Variants in BRINP1 observed in about 807,000 individuals in gnomAD.
The protein encoded by BRINP1 is BMP/retinoic acid-inducible neural-specific protein 1.
In BRINP1, 17 loss-of-function variants were observed where a neutral mutation model predicts 72.9. The ratio of observed to expected loss-of-function variants is 0.23; its 90% CI spans 0.16 to 0.35. The LOEUF is 0.35. BRINP1 is among the 10% of genes least tolerant of loss of function. The pLI is 1.00. For missense variants in BRINP1, 850 were observed against 1,001.6 expected (o/e 0.85, Z 2.04); for synonymous variants, 418 against 378.5 (o/e 1.10, Z -1.21).
rs139650782 is a variant in BRINP1 at position 119,364,018 on chromosome 9, CTTTT to C, written c.-51+5034_-51+5037del. Among the ~76,000 whole-genome samples the C allele has an allele frequency of 3.9e-3, 493 of 125,468 alleles. 1 individual carries two copies. The highest frequency in any genetic ancestry group is 0.01 in the African/African-American group (349 of 34,186). The allele number at this position is 125,468 out of a possible 152,430, so 82.3% of individuals were successfully genotyped here. Reference sequence around the variant, plus strand: ...TCACTCAATTTCAGGTCATCCCTCCCTTTTTTTTTTTTTTTTTTTTGGTGGCATC... The same window carrying C: ...TCACTCAATTTCAGGTCATCCCTCCCTTTTTTTTTTTTTTTTGGTGGCATC... On this transcript the variant is annotated intron_variant, in intron 1 of 7. Coordinates refer to ENST00000265922, the MANE Select transcript of BRINP1 (RefSeq NM_014618.3).
rs184096891 is a variant in BRINP1, at chr9:119,288,903, C to T, written c.218+24235G>A. Among the ~76,000 whole-genome samples, 187 of 152,244 alleles carry T rather than the reference C, an allele frequency of 1.2e-3. 1 individual carries two copies. Among genetic ancestry groups the T allele is most frequent in the African/African-American group, 4.3e-3 (178 of 41,544 alleles). ...CTCTGCCTCCCAGGTTCAAGCTATT[C>T]TATTCTCCTGCCTCAGCCTCCCAAG... On this transcript the variant is annotated intron_variant, in intron 2 of 7. Coordinates refer to ENST00000265922, the MANE Select transcript of BRINP1 (RefSeq NM_014618.3).
chr9:119,353,810 T>C (rs2119035032), intron 1 of BRINP1, among the ~76,000 whole-genome samples: 1 of 150,470 alleles, frequency 6.6e-6, no homozygotes, highest in African/African-American at 2.4e-5. Context: ...AAACTTAATT[T>C]TGTTTTGAGC....
In BRINP1 at chr9:119,167,881, A is replaced by T. The variant is rs779424656; in HGVS notation, c.1489T>A (p.Ser497Thr). 24 of 1,614,164 alleles carry T rather than the reference A, an allele frequency of 1.5e-5. No individual in the cohort carries two copies. The South Asian group carries it at 2.3e-4, about 16-fold the overall frequency. Residue 497 changes from serine (S) to threonine (T), a missense_variant, in exon 8 of 8, where the codon TCA becomes ACA. Coordinates refer to ENST00000265922, the MANE Select transcript of BRINP1 (RefSeq NM_014618.3). The surrounding 1 kb of genome is among the most constrained non-coding windows in gnomAD (Gnocchi z 4.3). ...ELKYLLQKMDSRLYVHTTFIS... is the reference protein window; with the variant it reads ...ELKYLLQKMDTRLYVHTTFIS... ...AAGGTGGTGTGGACGTAGAGGCGTG[A>T]GTCCATCTTCTGCAGCAGGTACTTC... is the stretch of plus-strand genomic sequence containing the variant.
At chr9:119,216,207 A>C (rs1829973741) in intron 5 of BRINP1, among the ~76,000 whole-genome samples, 1 of 152,232 alleles carries the variant, frequency 6.6e-6, no homozygotes. Context: ...CAGTCTTCAC[A>C]TATTTGCAGA....
At chr9:119,303,605 G>A (rs926847399) in intron 2 of BRINP1, among the ~76,000 whole-genome samples, 1 of 152,070 alleles carries the variant, frequency 6.6e-6, no homozygotes, top group African/African-American at 2.4e-5. Context: ...TGTTCCTCAG[G>A]GCATCAAAAA....
intron 7 of BRINP1, among the ~76,000 whole-genome samples, chr9:119,183,545 G>T (rs745914071): frequency 1.3e-5 from 2 of 152,094 alleles, no homozygotes; most frequent in Non-Finnish European, 2.9e-5. Flanking sequence ...ATCTGGTGCT[G>T]GTCATACGTG....
intron 2 of BRINP1, chr9:119,283,255 A>C: frequency 2.6e-5 from 15 of 568,098 alleles, no homozygotes; most frequent in South Asian, 8.6e-5. Flanking sequence ...CTGCCTCAGC[A>C]TCACCTGGCA....
At chr9:119,195,552 A>G (rs987133023) in intron 7 of BRINP1, among the ~76,000 whole-genome samples, 2 of 152,220 alleles carry the variant, frequency 1.3e-5, no homozygotes, top group Non-Finnish European at 2.9e-5. Flanking sequence ...TCTATACATA[A>G]GGTATTTGTC....
intron 7 of BRINP1, among the ~76,000 whole-genome samples, chr9:119,174,905 G>A (rs1443305567): frequency 1.3e-5 from 2 of 150,016 alleles, no homozygotes; most frequent in Non-Finnish European, 3.0e-5. Flanking sequence ...CTCATAGGTG[G>A]GAATTGAACA....
At chr9:119,233,448 C>T (rs1230941702) in intron 5 of BRINP1, among the ~76,000 whole-genome samples, 3 of 152,168 alleles carry the variant, frequency 2.0e-5, no homozygotes, top group Non-Finnish European at 4.4e-5. Context: ...AGCACAATCT[C>T]TGGCATATGA....
In BRINP1 at chr9:119,167,256, C is replaced by A. The variant is rs769963438; in HGVS notation, c.2114G>T (p.Arg705Leu). 8 of 1,614,112 alleles carry A rather than the reference C, an allele frequency of 5.0e-6. No individual in the cohort carries two copies. Among genetic ancestry groups the A allele is most frequent in the South Asian group, 4.4e-5 (4 of 91,086 alleles). The change falls in exon 8 of 8, where the codon CGC (arginine) becomes CTC (leucine). Residue 705 changes from arginine to leucine, a missense_variant. Physicochemically the swap from Arg to Leu is moderately radical, Grantham distance 102 (BLOSUM62 -2). Coordinates refer to ENST00000265922, the MANE Select transcript of BRINP1 (RefSeq NM_014618.3). The surrounding 1 kb of genome is among the most constrained non-coding windows in gnomAD (Gnocchi z 4.3). The stretch of plus-strand genomic sequence containing the variant: ...CCCCGGGGCCACAGGAGGGGCCAGG[C>A]GATTAATTCGGTCCCGAATATCCAA... ...LLLDIRDRIN[R>L]LAPPVAPGKP...
At chr9:119,340,402 A>G (rs1337155148) in intron 1 of BRINP1, among the ~76,000 whole-genome samples, 2 of 151,590 alleles carry the variant, frequency 1.3e-5, no homozygotes, top group Non-Finnish European at 2.9e-5. Flanking sequence ...ATCATATTCC[A>G]ACCTCTGAGG....
At chr9:119,190,596 A>C (rs1193972206) in intron 7 of BRINP1, among the ~76,000 whole-genome samples, 1 of 152,016 alleles carries the variant, frequency 6.6e-6, no homozygotes, top group African/African-American at 2.4e-5. Flanking sequence ...TGAAGTTTGA[A>C]TCAGGAAGAA....
chr9:119,260,405 T>C (rs1830484613), intron 2 of BRINP1, among the ~76,000 whole-genome samples: 1 of 152,210 alleles, frequency 6.6e-6, no homozygotes, highest in South Asian at 2.1e-4. Context: ...GTCTGACCCT[T>C]TATAGACAGT....
At chr9:119,261,944 A>G (rs1197959044) in intron 2 of BRINP1, among the ~76,000 whole-genome samples, 2 of 151,018 alleles carry the variant, frequency 1.3e-5, no homozygotes, top group Non-Finnish European at 2.9e-5. Flanking sequence ...CTAAACCCCT[A>G]GTAGACTCAG....
chr9:119,249,897 G>C, intron 2 of BRINP1, among the ~76,000 whole-genome samples: 1 of 111,652 alleles, frequency 9.0e-6, no homozygotes, highest in Non-Finnish European at 1.8e-5. Context: ...GGAAGGGAGG[G>C]AGAGAGGGAG....
At chr9:119,260,493 T>G (rs1377289085) in intron 2 of BRINP1, among the ~76,000 whole-genome samples, 2 of 152,150 alleles carry the variant, frequency 1.3e-5, no homozygotes, top group Non-Finnish European at 2.9e-5. Context: ...TGATCAAAGA[T>G]TTATATATTG....
At chr9:119,269,781 T>G (rs1032016904) in intron 2 of BRINP1, among the ~76,000 whole-genome samples, 1 of 152,164 alleles carries the variant, frequency 6.6e-6, no homozygotes, top group African/African-American at 2.4e-5. Flanking sequence ...CAATATTTCA[T>G]TCATTCATTC....
At chr9:119,188,297 G>C (rs975289470) in intron 7 of BRINP1, among the ~76,000 whole-genome samples, 1 of 152,050 alleles carries the variant, frequency 6.6e-6, no homozygotes, top group African/African-American at 2.4e-5. Flanking sequence ...TCATAGAAAT[G>C]ATTTTAAAAG....
Sources: allele counts gnomAD v4.1 joint callset (sites outside exome capture counted in the v4.1 genomes callset), GRCh38; gene constraint gnomAD v4.1.1; non-coding constraint Gnocchi (gnomAD v3.1); transcripts MANE v1.5; gene names NCBI Gene and HGNC (gene_info 2026-07-23, HGNC 2026-07-21).